Variants in PRKCA observed in about 807,000 individuals in gnomAD.
The protein encoded by PRKCA is protein kinase C alpha type.
In PRKCA, 27 loss-of-function variants were observed where a neutral mutation model predicts 87.0. The observed-to-expected ratio is 0.31, with a 90% CI of 0.23 to 0.43. The LOEUF is 0.43. PRKCA is among the 20% of genes least tolerant of loss of function. The pLI is 1.00. For missense variants in PRKCA, 518 were observed against 852.3 expected (o/e 0.61, Z 4.88); for synonymous variants, 329 against 311.1 (o/e 1.06, Z -0.61).
intron 8 of PRKCA, among the ~76,000 whole-genome samples, chr17:66,704,957 A>C (rs1973155008): frequency 6.6e-6 from 1 of 152,236 alleles, no homozygotes; most frequent in Non-Finnish European, 1.5e-5. Context: ...GGGGAAAAAT[A>C]AAACCACAAA....
At chr17:66,361,861 A>C (rs77380235) in intron 2 of PRKCA, among the ~76,000 whole-genome samples, 2,081 of 152,268 alleles carry the variant, frequency 0.014, 54 homozygotes, top group African/African-American at 0.048. Flanking sequence ...TCTAAGTGGG[A>C]CTTGGCTCAG....
At chr17:66,742,842 C>A (rs948493405) in intron 13 of PRKCA, 82 bp downstream of exon 13, 3 of 1,483,484 alleles carry the variant, frequency 2.0e-6, no homozygotes, top group South Asian at 1.3e-5. Context: ...GGGTCACTGG[C>A]GAATCATGAA....
intron 2 of PRKCA, among the ~76,000 whole-genome samples, chr17:66,418,276 A>T (rs1210869648): frequency 2.0e-5 from 3 of 152,322 alleles, no homozygotes; most frequent in South Asian, 2.1e-4. Flanking sequence ...CATATATTTT[A>T]TATTGACATT....
intron 5 of PRKCA, among the ~76,000 whole-genome samples, chr17:66,648,874 C>T (rs760472095): frequency 1.8e-4 from 27 of 152,146 alleles, no homozygotes; most frequent in Middle Eastern, 3.4e-3. Flanking sequence ...GGGTGGATCG[C>T]TTGAGGTCAG....
chr17:66,797,108 G>A (rs1975687750), intron 16 of PRKCA, among the ~76,000 whole-genome samples: 1 of 152,154 alleles, frequency 6.6e-6, no homozygotes, highest in Non-Finnish European at 1.5e-5. Context: ...GCAGGGGTGA[G>A]ACCAACACGT....
At chr17:66,476,452 C>T (rs1354562335) in intron 2 of PRKCA, among the ~76,000 whole-genome samples, 1 of 152,108 alleles carries the variant, frequency 6.6e-6, no homozygotes, top group Non-Finnish European at 1.5e-5. Context: ...TGAGGAGCCC[C>T]GAGAGAATGC....
intron 8 of PRKCA, among the ~76,000 whole-genome samples, chr17:66,729,199 C>G (rs1349753210): frequency 6.6e-6 from 1 of 151,906 alleles, no homozygotes; most frequent in Non-Finnish European, 1.5e-5. Context: ...ATCAGGAGTT[C>G]GAGACCAACC....
At chr17:66,759,961 T>C (rs1280811238) in intron 13 of PRKCA, among the ~76,000 whole-genome samples, 3 of 152,230 alleles carry the variant, frequency 2.0e-5, no homozygotes, top group Non-Finnish European at 4.4e-5. Context: ...TAGAAATACA[T>C]GAATCCACTA....
At position 66,742,744 on chromosome 17, in the gene PRKCA, A is replaced by G; in HGVS notation, c.1508A>G (p.Asp503Gly). Reference protein sequence around the residue: ...VTTRTFCGTPDYIAPEIIAYQ... With the variant: ...VTTRTFCGTPGYIAPEIIAYQ... ...ACCAGGACCTTCTGTGGGACTCCAG[A>G]TTATATCGCCCCAGAGGTAGGAACC... Residue 503 changes from aspartate (D) to glycine (G), a missense_variant, in exon 13 of 17, where the codon GAT becomes GGT. Asp to Gly is a moderately conservative substitution (Grantham distance 94, BLOSUM62 -1). This residue lies in a region of PRKCA where 159 missense variants were observed against 232.4 expected (regional missense o/e 0.68). Transcript: ENST00000413366. The G allele has an allele frequency of 6.2e-7, 1 of 1,614,042 alleles. No individual in the cohort carries two copies. The highest frequency in any genetic ancestry group is 8.5e-7 in the Non-Finnish European group (1 of 1,180,004).
chr17:66,399,429 A>G (rs1910887942), intron 2 of PRKCA, among the ~76,000 whole-genome samples: 1 of 152,146 alleles, frequency 6.6e-6, no homozygotes, highest in Non-Finnish European at 1.5e-5. Context: ...CAAAATTTCA[A>G]TCTGCAGTTT....
chr17:66,603,582 A>G (rs1970120347), intron 3 of PRKCA, among the ~76,000 whole-genome samples: 1 of 152,126 alleles, frequency 6.6e-6, no homozygotes, highest in Non-Finnish European at 1.5e-5. Context: ...TTCTCTTTCA[A>G]ATAGTTGTTT....
chr17:66,568,012 A>G (rs923533586), intron 3 of PRKCA, among the ~76,000 whole-genome samples: 2 of 152,234 alleles, frequency 1.3e-5, no homozygotes, highest in African/African-American at 4.8e-5. Flanking sequence ...ATTGGACTGC[A>G]TTAAATAATA....
chr17:66,565,267 G>A (rs940235661), intron 3 of PRKCA, among the ~76,000 whole-genome samples: 3 of 152,242 alleles, frequency 2.0e-5, no homozygotes, highest in African/African-American at 7.2e-5. Context: ...CTGCAGTTTT[G>A]GGATTCTTGT....
At chr17:66,443,985 C>T (rs572615166) in intron 2 of PRKCA, among the ~76,000 whole-genome samples, 2 of 152,200 alleles carry the variant, frequency 1.3e-5, no homozygotes, top group Admixed American at 6.5e-5. Context: ...CTGTGCCCTC[C>T]GCCTCACGAG....
intron 10 of PRKCA, among the ~76,000 whole-genome samples, chr17:66,737,288 G>A (rs945145411): frequency 5.3e-4 from 81 of 152,050 alleles, no homozygotes; most frequent in South Asian, 8.3e-4. Flanking sequence ...GCGTGAACCC[G>A]GGAGGTGGAG....
At chr17:66,334,114 G>A (rs931209303) in intron 2 of PRKCA, among the ~76,000 whole-genome samples, 1 of 152,118 alleles carries the variant, frequency 6.6e-6, no homozygotes, top group African/African-American at 2.4e-5. Context: ...AGCCAGGCGT[G>A]GTGGCTCAGC....
At position 66,424,568 on chromosome 17, in the gene PRKCA, A is replaced by AAC. The variant is rs141074503; in HGVS notation, c.206-71603_206-71602dup. On this transcript the variant is annotated intron_variant, in intron 2 of 16. Coordinates refer to ENST00000413366, the MANE Select transcript of PRKCA (RefSeq NM_002737.3). ...GGCAGCAGAGCACGACCCTGTCTCA[A>AAC]ACACACACACACACACACACACACA... 4.8e-3 allele frequency among the ~76,000 whole-genome samples: 682 copies of AAC among 142,004 alleles called. 7 individuals are homozygous for AAC. The highest frequency in any genetic ancestry group is 0.013 in the African/African-American group (500 of 37,588). The allele number at this position is 142,004 out of a possible 152,430, so 93.2% of individuals were successfully genotyped here.
chr17:66,562,656 G>A (rs779548371), intron 3 of PRKCA, among the ~76,000 whole-genome samples: 3 of 151,992 alleles, frequency 2.0e-5, no homozygotes, highest in Non-Finnish European at 2.9e-5. Flanking sequence ...GAGTGCACTG[G>A]CACTATCTTG....
chr17:66,503,779 T>G (rs1031733256), intron 3 of PRKCA, among the ~76,000 whole-genome samples: 1 of 152,186 alleles, frequency 6.6e-6, no homozygotes, highest in Admixed American at 6.5e-5. Context: ...AAAGATTCAT[T>G]TATAATAAAA....
Sources: allele counts gnomAD v4.1 joint callset (sites outside exome capture counted in the v4.1 genomes callset), GRCh38; gene constraint gnomAD v4.1.1; regional missense constraint gnomAD v4.1.1; transcripts MANE v1.5; gene names NCBI Gene and HGNC (gene_info 2026-07-23, HGNC 2026-07-21).